SCAPER: variants seen among roughly 807,000 people sequenced by gnomAD.
SCAPER encodes the protein S-phase cyclin A associated protein in the ER.
SCAPER carries 98 observed loss-of-function variants against 182.2 expected under a neutral mutation model. That is an observed-to-expected ratio of 0.54 (90% CI 0.46 to 0.64). The LOEUF (loss-of-function observed/expected upper bound fraction) is 0.64, where lower values mean the gene tolerates loss of function less well. SCAPER is among the 30% of genes least tolerant of loss of function. SCAPER has a pLI of 0.00. For missense variants in SCAPER, 1,432 were observed against 1,690.0 expected (o/e 0.85, Z 2.68); for synonymous variants, 605 against 564.6 (o/e 1.07, Z -1.01).
chr15:76,617,109 CCT>C (rs1332795167), intron 22 of SCAPER, among the ~76,000 whole-genome samples: 2 of 151,928 alleles, frequency 1.3e-5, no homozygotes, highest in South Asian at 4.2e-4. Flanking sequence ...TATTTCCACC[CCT>C]CTTTTTTCTT....
intron 22 of SCAPER, among the ~76,000 whole-genome samples, chr15:76,583,389 C>T (rs2048408796): frequency 6.7e-6 from 1 of 148,856 alleles, no homozygotes; most frequent in South Asian, 2.1e-4. Context: ...ATCCCATAAG[C>T]ATGGATAACC....
At chr15:76,840,300 G>C (rs2069346376) in intron 5 of SCAPER, among the ~76,000 whole-genome samples, 1 of 151,634 alleles carries the variant, frequency 6.6e-6, no homozygotes, top group Non-Finnish European at 1.5e-5. Flanking sequence ...TACGCCTGTG[G>C]TCCCAGCTAC....
At chr15:76,358,771 C>T (rs2041184585) in intron 29 of SCAPER, among the ~76,000 whole-genome samples, 1 of 152,220 alleles carries the variant, frequency 6.6e-6, no homozygotes, top group Admixed American at 6.5e-5. Flanking sequence ...CAATCCTCAT[C>T]ATTTCTCATC....
At chr15:76,712,329 T>G (rs530277392) in intron 17 of SCAPER, among the ~76,000 whole-genome samples, 1 of 152,350 alleles carries the variant, frequency 6.6e-6, no homozygotes, top group South Asian at 2.1e-4. Context: ...CATGCTGTTT[T>G]GGTTATCATA....
chr15:76,680,978 T>C (rs1286534128), intron 20 of SCAPER, among the ~76,000 whole-genome samples: 1 of 152,182 alleles, frequency 6.6e-6, no homozygotes, highest in Non-Finnish European at 1.5e-5. Context: ...AATCAGAGAT[T>C]TCAATATCCT....
Position 76,775,106 on chromosome 15 carries a change from C to T in SCAPER, c.784G>A (p.Ala262Thr). ...KASRKNERKDAEGWETVQRGR... is the reference protein window; with the variant it reads ...KASRKNERKDTEGWETVQRGR... The stretch of plus-strand genomic sequence containing the variant: ...CTCTGAACGGTCTCCCATCCTTCAG[C>T]ATCTTTCCGTTCTATGCAATTAAAG... The change falls in exon 9 of 32, where the codon GCT becomes ACT. Residue 262 changes from alanine (A) to threonine (T), a missense_variant. By Grantham distance (58) the Ala-to-Thr change is moderately conservative. This residue lies in a region of SCAPER where 480 missense variants were observed against 510.2 expected (regional missense o/e 0.94). Transcript: ENST00000563290. 3 of 1,611,990 alleles carry T rather than the reference C, an allele frequency of 1.9e-6. No individual in the cohort carries two copies. Among genetic ancestry groups the T allele is most frequent in the Middle Eastern group, 1.7e-4 (1 of 6,042 alleles).
Position 76,775,013 on chromosome 15 carries a change from T to C in SCAPER, c.877A>G (p.Arg293Gly). Reference protein sequence around the residue: ...PKVSLATEATRSKDDSDKENV... With the variant: ...PKVSLATEATGSKDDSDKENV... ...TCTTTATCACTGTCATCCTTTGATC[T>C]TGTGGCTTCTGTTGCCAATGAAACT... Residue 293 changes from arginine to glycine, a missense_variant, in exon 9 of 32, where the codon AGA becomes GGA. Physicochemically the swap from Arg to Gly is moderately radical, Grantham distance 125. Coordinates refer to ENST00000563290, the MANE Select transcript of SCAPER (RefSeq NM_020843.4). The C allele has an allele frequency of 6.2e-7, 1 of 1,613,876 alleles. No homozygotes were observed. The highest frequency in any genetic ancestry group is 8.5e-7 in the Non-Finnish European group (1 of 1,179,774).
chr15:76,484,313 T>C (rs1381858253), intron 24 of SCAPER, among the ~76,000 whole-genome samples: 1 of 152,054 alleles, frequency 6.6e-6, no homozygotes, highest in Non-Finnish European at 1.5e-5. Context: ...AGTAAAAAGA[T>C]GAGTGGCTGA....
intron 10 of SCAPER, among the ~76,000 whole-genome samples, chr15:76,771,239 C>T (rs1177939912): frequency 6.6e-6 from 1 of 151,970 alleles, no homozygotes; most frequent in Admixed American, 6.6e-5. Context: ...ATGTTATCAT[C>T]CAAAACCATA....
intron 26 of SCAPER, among the ~76,000 whole-genome samples, chr15:76,421,012 C>G (rs1383594575): frequency 2.0e-5 from 3 of 152,200 alleles, no homozygotes; most frequent in African/African-American, 2.4e-5. Flanking sequence ...TCTTAATCCA[C>G]TCTATCAATG....
At chr15:76,631,057 G>C (rs1410136135) in intron 21 of SCAPER, among the ~76,000 whole-genome samples, 1 of 152,006 alleles carries the variant, frequency 6.6e-6, no homozygotes, top group Admixed American at 6.6e-5. Flanking sequence ...TAATGCCCTT[G>C]TCTTTTTTTA....
Position 76,774,916 on chromosome 15 carries a change from A to G in SCAPER, c.974T>C (p.Ile325Thr), listed in dbSNP as rs1051820801. The G allele has an allele frequency of 5.0e-6, 8 of 1,613,554 alleles. No individual in the cohort carries two copies. Among genetic ancestry groups the G allele is most frequent in the Non-Finnish European group, 6.8e-6 (8 of 1,179,690 alleles). The stretch of plus-strand genomic sequence containing the variant: ...TAATGAGTCTTTGGGATGAGATTCT[A>G]TAGTATTAGAAGTTCCATCTCCAAC... ...QFVGDGTSNT[I>T]ESHPKDSLHS... The change falls in exon 9 of 32, where the codon ATA becomes ACA. Residue 325 changes from isoleucine to threonine, a missense_variant. Ile to Thr is a moderately conservative substitution (Grantham distance 89). This residue lies in a region of SCAPER where 480 missense variants were observed against 510.2 expected (regional missense o/e 0.94). Coordinates refer to ENST00000563290, the MANE Select transcript of SCAPER (RefSeq NM_020843.4).
intron 29 of SCAPER, among the ~76,000 whole-genome samples, chr15:76,360,653 C>T (rs1207399120): frequency 6.6e-6 from 1 of 152,172 alleles, no homozygotes; most frequent in African/African-American, 2.4e-5. Flanking sequence ...AATAAACAAA[C>T]CAACTGACAT....
intron 27 of SCAPER, among the ~76,000 whole-genome samples, chr15:76,394,150 A>G (rs949744919): frequency 6.6e-6 from 1 of 152,230 alleles, no homozygotes; most frequent in Non-Finnish European, 1.5e-5. Context: ...GAGTTCAGGA[A>G]GAAGAGTAGG....
intron 20 of SCAPER, among the ~76,000 whole-genome samples, chr15:76,682,486 C>A (rs1186619642): frequency 6.6e-6 from 1 of 152,072 alleles, no homozygotes; most frequent in Non-Finnish European, 1.5e-5. Context: ...CCTGCCCCAC[C>A]CCTGCTGGCA....
At chr15:76,402,357 C>T (rs755217207) in intron 27 of SCAPER, among the ~76,000 whole-genome samples, 3 of 152,148 alleles carry the variant, frequency 2.0e-5, no homozygotes, top group Admixed American at 6.5e-5. Flanking sequence ...CAGAGAACGT[C>T]CTGAGGCAGA....
intron 26 of SCAPER, among the ~76,000 whole-genome samples, chr15:76,404,916 A>T (rs923246851): frequency 6.6e-6 from 1 of 152,100 alleles, no homozygotes. Flanking sequence ...TTATTTTTCA[A>T]GAAAAAAATG....
intron 28 of SCAPER, 46 bp from the exon 29 acceptor site, chr15:76,376,357 C>G: frequency 1.3e-6 from 2 of 1,544,536 alleles, no homozygotes; most frequent in Non-Finnish European, 1.7e-6. Flanking sequence ...CCAGGGAGAG[C>G]CAGGGCTGCA....
chr15:76,611,516 C>G (rs1307602755), intron 22 of SCAPER, among the ~76,000 whole-genome samples: 1 of 152,154 alleles, frequency 6.6e-6, no homozygotes, highest in Admixed American at 6.5e-5. Flanking sequence ...AGAGCTGGTA[C>G]TATTCCTACT....
Sources: allele counts gnomAD v4.1 joint callset (sites outside exome capture counted in the v4.1 genomes callset), GRCh38; gene constraint gnomAD v4.1.1; regional missense constraint gnomAD v4.1.1; transcripts MANE v1.5; gene names NCBI Gene and HGNC (gene_info 2026-07-23, HGNC 2026-07-21).